The following EVC variants were observed in gnomAD, a reference collection of about 807,000 sequenced individuals.
EVC encodes EvC ciliary complex subunit 1, also known as evC complex member EVC.
In EVC, 116 loss-of-function variants were observed where a neutral mutation model predicts 118.9. That is an observed-to-expected ratio of 0.98 (90% CI 0.84 to 1.14). EVC has a LOEUF of 1.14. Ranked by LOEUF, EVC falls within the 50% of genes most tolerant of loss-of-function variation. EVC has a pLI of 0.00. For missense variants in EVC, 1,401 were observed against 1,246.4 expected (o/e 1.12, Z -1.87); for synonymous variants, 619 against 534.7 (o/e 1.16, Z -2.18).
At position 5,746,740 on chromosome 4, in the gene EVC, G is replaced by A. The variant is rs2152036201; in HGVS notation, c.939+1399G>A. 6.6e-6 allele frequency among the ~76,000 whole-genome samples: 1 copy of A among 152,238 alleles called. No individual in the cohort carries two copies. Among genetic ancestry groups the A allele is most frequent in the Non-Finnish European group, 1.5e-5 (1 of 68,024 alleles). On this transcript the variant is annotated intron_variant, in intron 7 of 20. Coordinates refer to ENST00000264956, the MANE Select transcript of EVC (RefSeq NM_153717.3). The surrounding 1 kb of genome is among the most constrained non-coding windows in gnomAD (Gnocchi z 5.8). ...CAAAGTATTGGTGACCTCCAAAAAT[G>A]GTGACCTCTGGCCTAGAAATGGTGT...
intron 11 of EVC, among the ~76,000 whole-genome samples, chr4:5,764,355 A>G (rs1245735680): frequency 6.6e-5 from 9 of 136,762 alleles, no homozygotes; most frequent in African/African-American, 2.5e-4. Flanking sequence ...ATATTGGTCT[A>G]AAATTCTCTT....
rs1379695107 is a variant in EVC at position 5,762,861 on chromosome 4, A to G, written c.1563+6499A>G. Reference sequence around the variant, plus strand: ...CTCCCATTTTGTAGGTTGCCTGTTCACTCTGATGGTAGTTTCTTTTGCTGT... The same window carrying G: ...CTCCCATTTTGTAGGTTGCCTGTTCGCTCTGATGGTAGTTTCTTTTGCTGT... On this transcript the variant is annotated intron_variant, in intron 11 of 20. Transcript: ENST00000264956. Among the ~76,000 whole-genome samples, 29 of 74,774 alleles carry G rather than the reference A, an allele frequency of 3.9e-4. 4 individuals carry two copies. Among genetic ancestry groups the G allele is most frequent in the African/African-American group, 1.3e-3 (27 of 20,124 alleles). The allele number at this position is 74,774 out of a possible 152,430, so 49.1% of individuals were successfully genotyped here. A position where few individuals can be genotyped will look rare whatever the true frequency, so the allele number is the denominator to read the frequency against.
intron 11 of EVC, among the ~76,000 whole-genome samples, chr4:5,762,981 C>T (rs1732307706): frequency 9.6e-6 from 1 of 103,952 alleles, no homozygotes; most frequent in South Asian, 3.4e-4. Flanking sequence ...CTTGCCCATG[C>T]CTATCTCCTG....
At chr4:5,758,181 A>G (rs1731472639) in intron 11 of EVC, 1 of 699,866 alleles carries the variant, frequency 1.4e-6, no homozygotes, top group African/African-American at 1.8e-5. Context: ...ACCTGCAGCC[A>G]CCAAAAGCCA....
chr4:5,815,462 C>T (rs139657356), downstream of EVC, among the ~76,000 whole-genome samples: 196 of 152,132 alleles, frequency 1.3e-3, no homozygotes, highest in African/African-American at 3.7e-3. Flanking sequence ...CATAGGGAGA[C>T]GGGAAATGGG....
chr4:5,751,505 G>T, intron 8 of EVC, among the ~76,000 whole-genome samples: 1 of 152,234 alleles, frequency 6.6e-6, no homozygotes, highest in Non-Finnish European at 1.5e-5. Context: ...TTCACGGGCT[G>T]CTGGAATGAG....
At chr4:5,725,172 T>C (rs1046060943) in intron 2 of EVC, among the ~76,000 whole-genome samples, 6 of 152,190 alleles carry the variant, frequency 3.9e-5, no homozygotes, top group African/African-American at 1.2e-4. Flanking sequence ...TTGTGAATAG[T>C]GCAATGAACA....
chr4:5,748,518 A>ATCCG (rs1560330019), intron 8 of EVC, among the ~76,000 whole-genome samples: 2 of 151,496 alleles, frequency 1.3e-5, no homozygotes, highest in African/African-American at 2.4e-5. Flanking sequence ...TGACCCTTCC[A>ATCCG]TCCATCCATC....
chr4:5,757,326 C>T (rs1731319102), intron 11 of EVC, among the ~76,000 whole-genome samples: 1 of 152,174 alleles, frequency 6.6e-6, no homozygotes, highest in South Asian at 2.1e-4. Context: ...TGGATGAGAC[C>T]AGGCCCAAGT....
At chr4:5,828,264 T>C in the EVC span, 1 of 985,372 alleles carries the variant, frequency 1.0e-6, no homozygotes. Flanking sequence ...TGCACACCCC[T>C]CTACAGTTTG....
chr4:5,801,694 AT>A, intron 15 of EVC: 1 of 397,218 alleles, frequency 2.5e-6, no homozygotes, highest in South Asian at 2.6e-5. Context: ...AAAAAAAAAG[AT>A]GCGGGGAAGG....
At chr4:5,809,391 TCTC>T (rs1399613899) in intron 18 of EVC, 124 bp from the exon 19 acceptor site, 1 of 796,808 alleles carries the variant, frequency 1.3e-6, no homozygotes, top group Non-Finnish European at 2.2e-6. Context: ...GTTGGAAAAT[TCTC>T]CTCCACACGG....
intron 18 of EVC, among the ~76,000 whole-genome samples, 157 bp from the exon 19 acceptor site, chr4:5,809,361 C>T (rs1187892358): frequency 6.6e-6 from 1 of 152,202 alleles, no homozygotes; most frequent in Non-Finnish European, 1.5e-5. Context: ...CCTCCTGCTC[C>T]TCTCCTCTCT....
At chr4:5,722,961 G>A (rs564141396) in intron 2 of EVC, among the ~76,000 whole-genome samples, 5 of 152,154 alleles carry the variant, frequency 3.3e-5, no homozygotes, top group Non-Finnish European at 5.9e-5. Flanking sequence ...AGCAGAGCCC[G>A]CTCCTTCCCT....
rs1005750631 is a variant in EVC at position 5,738,999 on chromosome 4, T to A, written c.703-2717T>A. 6.6e-6 allele frequency among the ~76,000 whole-genome samples: 1 copy of A among 152,198 alleles called. No individual in the cohort carries two copies. The highest frequency in any genetic ancestry group is 1.5e-5 in the Non-Finnish European group (1 of 68,040). On this transcript the variant is annotated intron_variant, in intron 5 of 20. Coordinates refer to ENST00000264956, the MANE Select transcript of EVC (RefSeq NM_153717.3). The surrounding 1 kb of genome is among the most constrained non-coding windows in gnomAD (Gnocchi z 6.5). ...TGTACACTTAGACTACAGTATAGTGTAAACATAGCTTTTATATGCACTAGA... is the reference window on the plus strand; with the variant it reads ...TGTACACTTAGACTACAGTATAGTGAAAACATAGCTTTTATATGCACTAGA...
chr4:5,711,727 A>C (rs1304332756), intron 1 of EVC, among the ~76,000 whole-genome samples, 173 bp downstream of exon 1: 1 of 152,196 alleles, frequency 6.6e-6, no homozygotes, highest in East Asian at 1.9e-4. Flanking sequence ...TGGCGGCGTG[A>C]CTAAAGGGCA....
At chr4:5,804,432 C>G (rs1008417906) in intron 16 of EVC, among the ~76,000 whole-genome samples, 1 of 152,176 alleles carries the variant, frequency 6.6e-6, no homozygotes, top group African/African-American at 2.4e-5. Flanking sequence ...CTTTTAAGCT[C>G]TTTGTGGTGC....
intron 2 of EVC, among the ~76,000 whole-genome samples, chr4:5,726,023 G>T (rs574569863): frequency 1.3e-5 from 2 of 152,174 alleles, no homozygotes; most frequent in African/African-American, 4.8e-5. Flanking sequence ...AGGGCATCGC[G>T]GTGCAGCTCT....
chr4:5,811,171 A>G lies in EVC; in HGVS notation c.*134A>G. The stretch of plus-strand genomic sequence containing the variant: ...CTCTAGGCTCTTCTGAGAGGGACAG[A>G]GAAAGAATAGAAATGTGCCCTAAAA... On this transcript the variant is annotated 3_prime_UTR_variant, in exon 21 of 21. Transcript: ENST00000264956. 2.8e-6 allele frequency: 2 copies of G among 718,456 alleles called. No individual in the cohort carries two copies. Among genetic ancestry groups the G allele is most frequent in the East Asian group, 5.4e-5 (2 of 36,924 alleles). 44.5% of individuals were successfully genotyped at this position (718,456 alleles called of 1,614,324 possible).
Sources: gnomAD v4.1 joint callset for allele counts (sites outside exome capture counted in the v4.1 genomes callset) on GRCh38, gnomAD v4.1.1 for gene constraint, Gnocchi (gnomAD v3.1) non-coding constraint, MANE v1.5 for transcripts, NCBI Gene and HGNC (gene_info 2026-07-23, HGNC 2026-07-21) for gene names.